The following GART variants were observed in gnomAD, a reference collection of about 807,000 sequenced individuals.
GART encodes the protein phosphoribosylglycinamide formyltransferase, phosphoribosylglycinamide synthetase, phosphoribosylaminoimidazole synthetase, also known as trifunctional purine biosynthetic protein adenosine-3.
Under a neutral mutation model 107.2 loss-of-function variants are expected in GART, and 43 were observed. The ratio of observed to expected loss-of-function variants is 0.40; its 90% CI spans 0.31 to 0.52. The LOEUF (loss-of-function observed/expected upper bound fraction) is 0.52. Among genes scored for constraint, GART ranks in the 20% least tolerant of loss-of-function variants. The pLI is 0.52. For missense variants in GART, 1,107 were observed against 1,206.5 expected (o/e 0.92, Z 1.22); for synonymous variants, 434 against 427.0 (o/e 1.02, Z -0.20).
chr21:33,528,978 T>C (rs760487640), intron 7 of GART, 41 bp from the exon 8 acceptor site: 2 of 1,367,222 alleles, frequency 1.5e-6, no homozygotes, highest in African/African-American at 2.9e-5. Flanking sequence ...ACAGGTAACT[T>C]AAAAAGTCTA....
intron 14 of GART, among the ~76,000 whole-genome samples, chr21:33,519,933 C>A (rs549728283): frequency 3.3e-4 from 50 of 151,240 alleles, no homozygotes; most frequent in African/African-American, 1.2e-3. Context: ...AAAACTTGGG[C>A]GTATATTATT....
intron 11 of GART, 171 bp downstream of exon 11, chr21:33,524,598 T>TTAA (rs1414173512): frequency 7.5e-7 from 1 of 1,336,986 alleles, no homozygotes; most frequent in African/African-American, 1.5e-5. Flanking sequence ...TTTTTTCCAT[T>TTAA]TGAGTATTGC....
At chr21:33,523,801 T>C (rs2085015986) in intron 11 of GART, among the ~76,000 whole-genome samples, 1 of 151,312 alleles carries the variant, frequency 6.6e-6, no homozygotes, top group African/African-American at 2.4e-5. Context: ...ACCCCATGTC[T>C]ACCAAAAACA....
intron 2 of GART, 134 bp from the exon 3 acceptor site, chr21:33,535,454 G>A (rs2085286743): frequency 1.9e-6 from 1 of 526,362 alleles, no homozygotes; most frequent in Non-Finnish European, 3.3e-6. Context: ...TCTTATATTG[G>A]CAGAGATGAC....
At chr21:33,530,069 G>A (rs2085154466) in intron 7 of GART, among the ~76,000 whole-genome samples, 2 of 152,152 alleles carry the variant, frequency 1.3e-5, no homozygotes, top group African/African-American at 2.4e-5. Flanking sequence ...GCCTGTGCCT[G>A]TAGTCCCAGC....
intron 2 of GART, among the ~76,000 whole-genome samples, chr21:33,535,857 G>A (rs1346209437): frequency 2.6e-5 from 4 of 151,946 alleles, no homozygotes; most frequent in Admixed American, 6.6e-5. Flanking sequence ...ATGAAACCCC[G>A]TCTCTACTAA....
intron 2 of GART, among the ~76,000 whole-genome samples, chr21:33,537,261 G>A (rs200654327): frequency 1.6e-4 from 24 of 152,240 alleles, no homozygotes; most frequent in Non-Finnish European, 2.2e-4. Flanking sequence ...TATCTCACCC[G>A]TAGAATTAAG....
Position 33,520,572 on chromosome 21 carries a change from A to G in GART, c.1504-10T>C. ...TGCATAGCTGGGCAATCTATGTAAG[A>G]ACAATATAAACATCCACATTAGGGA... On this transcript the variant is annotated splice_polypyrimidine_tract_variant and intron_variant, in intron 13 of 21. Transcript: ENST00000381815. The G allele has an allele frequency of 6.2e-7, 1 of 1,606,492 alleles. No individual in the cohort carries two copies.
At chr21:33,522,942 C>T (rs541456730) in intron 11 of GART, among the ~76,000 whole-genome samples, 1 of 152,304 alleles carries the variant, frequency 6.6e-6, no homozygotes, top group South Asian at 2.1e-4. Flanking sequence ...ACACAAGTAT[C>T]CCTAAATAAT....
intron 4 of GART, among the ~76,000 whole-genome samples, 200 bp from the exon 5 acceptor site, chr21:33,532,656 C>T (rs1463100125): frequency 6.6e-6 from 1 of 152,190 alleles, no homozygotes; most frequent in Non-Finnish European, 1.5e-5. Context: ...TCCAATCATA[C>T]AGTACCTACA....
At chr21:33,530,646 A>G (rs2085167635) in intron 7 of GART, 113 bp downstream of exon 7, 11 of 1,108,634 alleles carry the variant, frequency 9.9e-6, no homozygotes, top group Non-Finnish European at 1.3e-5. Context: ...GATTAGTAAC[A>G]TAATTCATAG....
chr21:33,525,209 A>C (rs1294170587), intron 10 of GART, among the ~76,000 whole-genome samples: 1 of 151,472 alleles, frequency 6.6e-6, no homozygotes, highest in Non-Finnish European at 1.5e-5. Flanking sequence ...ACAGAGCAAG[A>C]CCTCGCCTCT....
At chr21:33,524,543 C>A in intron 11 of GART, 1 of 1,215,220 alleles carries the variant, frequency 8.2e-7, no homozygotes, top group Non-Finnish European at 1.0e-6. Context: ...AAAATCAGTA[C>A]CACTGTGATT....
chr21:33,535,837 G>A (rs2085294917), intron 2 of GART, among the ~76,000 whole-genome samples: 1 of 152,120 alleles, frequency 6.6e-6, no homozygotes, highest in Non-Finnish European at 1.5e-5. Context: ...AGACCAGCCT[G>A]AACAATATGA....
intron 14 of GART, chr21:33,518,824 T>C: frequency 1.9e-6 from 1 of 527,948 alleles, no homozygotes; most frequent in South Asian, 1.4e-5. Flanking sequence ...TCAGATTGTC[T>C]GCACCAAGCT....
chr21:33,523,985 A>AG (rs1601201128), intron 11 of GART: 1 of 964,398 alleles, frequency 1.0e-6, no homozygotes, highest in East Asian at 1.1e-4. Flanking sequence ...AAAAAAAAAA[A>AG]AAAAAGAAAT....
chr21:33,521,090 TAAAA>T, intron 12 of GART, 75 bp from the exon 13 acceptor site: 1 of 1,217,066 alleles, frequency 8.2e-7, no homozygotes, highest in Non-Finnish European at 1.2e-6. Flanking sequence ...TCTACTAGTT[TAAAA>T]AAACCAGTAT....
chr21:33,518,485 A>C (rs533682937), intron 14 of GART: 2 of 180,482 alleles, frequency 1.1e-5, no homozygotes, highest in Non-Finnish European at 2.3e-5. Flanking sequence ...CTCAAAAAGA[A>C]AAAAAAAAAA....
chr21:33,528,302 C>T lies in GART; in HGVS notation c.931G>A (p.Glu311Lys). The change falls in exon 10 of 22, where the codon GAA becomes AAA. Residue 311 changes from glutamate (E) to lysine (K), a missense_variant. Coordinates refer to ENST00000381815, the MANE Select transcript of GART (RefSeq NM_000819.5). ...ILPLLKSDLY[E>K]VIQSTLDGLL... ...CCATCTAAGGTGGACTGAATCACTT[C>T]ATAAAGATCACTTTTAAGAAGTGGG... The T allele has an allele frequency of 6.2e-7, 1 of 1,614,116 alleles. No individual in the cohort carries two copies. Among genetic ancestry groups the T allele is most frequent in the East Asian group, 2.2e-5 (1 of 44,876 alleles).
Sources: gnomAD v4.1 joint callset for allele counts (sites outside exome capture counted in the v4.1 genomes callset) on GRCh38, gnomAD v4.1.1 for gene constraint, MANE v1.5 for transcripts, NCBI Gene and HGNC (gene_info 2026-07-23, HGNC 2026-07-21) for gene names.